The following MCRIP1 variants were observed in gnomAD, a reference collection of about 807,000 sequenced individuals.
The protein encoded by MCRIP1 is mapk-regulated corepressor-interacting protein 1.
MCRIP1 carries 10 observed loss-of-function variants against 14.4 expected under a neutral mutation model. The ratio of observed to expected loss-of-function variants is 0.70; its 90% confidence interval spans 0.43 to 1.18. MCRIP1 has a LOEUF of 1.18. Among genes scored for constraint, MCRIP1 ranks in the 50% most tolerant of loss-of-function variants. The probability of loss-of-function intolerance (pLI) is 0.00; values close to 1 mark genes in which losing one functional copy is unlikely to be tolerated. For synonymous variants in MCRIP1, 53 were observed against 55.7 expected (o/e 0.95, Z 0.21); for missense variants, 119 against 135.4 (o/e 0.88, Z 0.60).
chr17:81,825,266 G>A, intron 1 of MCRIP1: 3 of 1,101,580 alleles, frequency 2.7e-6, no homozygotes, highest in Admixed American at 4.8e-5. Flanking sequence ...CAGCCCAGGG[G>A]AATCCACGGC....
intron 1 of MCRIP1, among the ~76,000 whole-genome samples, chr17:81,830,383 T>C (rs2038492827): frequency 6.6e-6 from 1 of 152,196 alleles, no homozygotes; most frequent in Non-Finnish European, 1.5e-5. Flanking sequence ...ACGCCTGTAA[T>C]CCCAGCACGT....
chr17:81,827,248 C>G (rs2038425693), intron 1 of MCRIP1, among the ~76,000 whole-genome samples: 1 of 151,938 alleles, frequency 6.6e-6, no homozygotes, highest in Non-Finnish European at 1.5e-5. Flanking sequence ...GGCAACATGG[C>G]AAAATCCCAT....
intron 1 of MCRIP1, among the ~76,000 whole-genome samples, chr17:81,827,144 G>A (rs566730038): frequency 1.3e-5 from 2 of 151,352 alleles, no homozygotes; most frequent in Non-Finnish European, 1.5e-5. Context: ...AGCCAGGTAC[G>A]GTTGCTGGCC....
rs911572550 is a variant in MCRIP1, at chr17:81,822,395, G to A, written c.*852C>T. ...ATGTGTGCCGCAGGGGCAGAGGCCT[G>A]ACAGACCACCAAGAGGCCACGCCCA... On this transcript the variant is annotated 3_prime_UTR_variant, in exon 5 of 5. Coordinates refer to ENST00000455127, the MANE Select transcript of MCRIP1 (RefSeq NM_207368.5). The A allele has an allele frequency of 6.6e-6, 1 of 152,272 alleles. No homozygotes were observed. Among genetic ancestry groups the A allele is most frequent in the African/African-American group, 2.4e-5 (1 of 41,390 alleles). 9.4% of individuals were successfully genotyped at this position (152,272 alleles called of 1,614,324 possible).
chr17:81,823,631 T>A lies in MCRIP1; in HGVS notation c.128-118A>T. On this transcript the variant is annotated intron_variant, in intron 3 of 4. Transcript: ENST00000455127. This position sits in a 1 kb window ranked among gnomAD's most constrained non-coding sequence, Gnocchi z 6.0. ...CAGATCCTCTTCTCCCTCAGAAGTG[T>A]CCTCCATGCTCCCCCACAGCCCTCT... The A allele has an allele frequency of 1.2e-6, 1 of 811,380 alleles. No homozygotes were observed. 50.3% of individuals were successfully genotyped at this position (811,380 alleles called of 1,614,324 possible).
intron 1 of MCRIP1, 119 bp downstream of exon 1, chr17:81,833,119 G>T (rs1231094238): frequency 6.8e-6 from 1 of 146,700 alleles, no homozygotes; most frequent in Non-Finnish European, 1.5e-5. Context: ...ACTCCCCCGC[G>T]CCCGGCCCCG....
At position 81,823,358 on chromosome 17, in the gene MCRIP1, C is replaced by A; in HGVS notation, c.230-47G>T. 6.5e-7 allele frequency: 1 copy of A among 1,536,462 alleles called. No individual in the cohort carries two copies. Among genetic ancestry groups the A allele is most frequent in the Non-Finnish European group, 8.7e-7 (1 of 1,146,536 alleles). On this transcript the variant is annotated intron_variant, in intron 4 of 4. Coordinates refer to ENST00000455127, the MANE Select transcript of MCRIP1 (RefSeq NM_207368.5). The surrounding 1 kb of genome is among the most constrained non-coding windows in gnomAD (Gnocchi z 6.0). Reference sequence around the variant, plus strand: ...GGTGGTGGGCACAGGCCCCTCCTGCCCATGAGGCCCGGCCTGCCGGCCCAG... The same window carrying A: ...GGTGGTGGGCACAGGCCCCTCCTGCACATGAGGCCCGGCCTGCCGGCCCAG...
chr17:81,827,043 G>A (rs1244940580), intron 1 of MCRIP1, among the ~76,000 whole-genome samples: 5 of 150,508 alleles, frequency 3.3e-5, no homozygotes, highest in Non-Finnish European at 5.9e-5. Context: ...GCTTGAACCT[G>A]GGAGGCGGAG....
rs775829533 is a variant in MCRIP1, at chr17:81,830,376, C to T, written c.-49+2862G>A. Among the ~76,000 whole-genome samples, 218 of 152,224 alleles carry T rather than the reference C, an allele frequency of 1.4e-3. 1 individual carries two copies. The highest frequency in any genetic ancestry group is 3.3e-3 in the Admixed American group (51 of 15,286). On this transcript the variant is annotated intron_variant, in intron 1 of 4. Transcript: ENST00000455127. ...CTGGGGCCAGGCGTGGTGGCTCACG[C>T]CTGTAATCCCAGCACGTTGGGAGGC... is the stretch of plus-strand genomic sequence containing the variant.
At chr17:81,825,301 A>G (rs909733661) in intron 1 of MCRIP1, 12 of 1,113,768 alleles carry the variant, frequency 1.1e-5, no homozygotes, top group Non-Finnish European at 1.3e-5. Flanking sequence ...GTCTATTTTG[A>G]GGCTCAGACG....
At chr17:81,827,570 C>T (rs188375779) in intron 1 of MCRIP1, among the ~76,000 whole-genome samples, 2 of 149,790 alleles carry the variant, frequency 1.3e-5, no homozygotes, top group East Asian at 2.1e-4. Context: ...CACGCCCGGC[C>T]GGCAAAATCC....
At chr17:81,828,400 G>A (rs1355174876) in intron 1 of MCRIP1, among the ~76,000 whole-genome samples, 1 of 151,984 alleles carries the variant, frequency 6.6e-6, no homozygotes. Flanking sequence ...CTGCCTCCTG[G>A]GGCCCTGCCA....
At chr17:81,831,381 C>T (rs1438017663) in intron 1 of MCRIP1, among the ~76,000 whole-genome samples, 3 of 147,862 alleles carry the variant, frequency 2.0e-5, no homozygotes, top group Non-Finnish European at 3.0e-5. Flanking sequence ...AAAAAAGGGC[C>T]CCATCTCTGC....
At chr17:81,825,402 C>T in intron 1 of MCRIP1, 1 of 1,189,854 alleles carries the variant, frequency 8.4e-7, no homozygotes, top group Non-Finnish European at 1.1e-6. Context: ...CTCCAGCCTG[C>T]CCTGCTCCAG....
intron 1 of MCRIP1, chr17:81,824,812 G>A: frequency 1.5e-6 from 2 of 1,370,486 alleles, no homozygotes; most frequent in Non-Finnish European, 1.9e-6. Flanking sequence ...AGCCCGCTCA[G>A]CGGCCTTGAT....
At chr17:81,824,157 G>C (rs1255705143) in intron 3 of MCRIP1, 130 bp downstream of exon 3, 1 of 757,234 alleles carries the variant, frequency 1.3e-6, no homozygotes, top group African/African-American at 1.8e-5. Flanking sequence ...CACAGTGATG[G>C]GGCTATCTGT....
chr17:81,832,837 G>C (rs1211047755), intron 1 of MCRIP1, among the ~76,000 whole-genome samples: 3 of 152,218 alleles, frequency 2.0e-5, no homozygotes, highest in African/African-American at 7.2e-5. Context: ...GGCGCTCCGA[G>C]AATCGGAGGC....
chr17:81,824,979 G>A, intron 1 of MCRIP1: 1 of 1,062,964 alleles, frequency 9.4e-7, no homozygotes. Context: ...TCAGCTAACT[G>A]ACCCTGCTCT....
chr17:81,826,451 A>T (rs2038398459), intron 1 of MCRIP1: 1 of 1,403,566 alleles, frequency 7.1e-7, no homozygotes, highest in South Asian at 1.3e-5. Flanking sequence ...TGAGCCCAGG[A>T]GGTCAAGGCT....
Sources: allele counts gnomAD v4.1 joint callset (sites outside exome capture counted in the v4.1 genomes callset), GRCh38; gene constraint gnomAD v4.1.1; non-coding constraint Gnocchi (gnomAD v3.1); transcripts MANE v1.5; gene names NCBI Gene and HGNC (gene_info 2026-07-23, HGNC 2026-07-21).